BAIAP2L1: variants seen among roughly 807,000 people sequenced by gnomAD.
BAIAP2L1 encodes BAR/IMD domain-containing adapter protein 2-like 1.
BAIAP2L1 carries 35 observed loss-of-function variants against 66.3 expected under a neutral mutation model. That is an observed-to-expected ratio of 0.53 (90% CI 0.40 to 0.70). The LOEUF (loss-of-function observed/expected upper bound fraction) is 0.70. BAIAP2L1 is among the 30% of genes least tolerant of loss of function. The pLI, the probability that BAIAP2L1 is intolerant of heterozygous loss-of-function variation, is 0.00. For missense variants in BAIAP2L1, 622 were observed against 656.9 expected (o/e 0.95, Z 0.58); for synonymous variants, 269 against 248.7 (o/e 1.08, Z -0.77).
At chr7:98,308,972 T>G (rs1045731165) in intron 9 of BAIAP2L1, 1 of 151,234 alleles carries the variant, frequency 6.6e-6, no homozygotes, top group African/African-American at 2.4e-5. Flanking sequence ...AGCCACTGCT[T>G]CTGGCCGTTT....
intron 10 of BAIAP2L1, chr7:98,307,293 A>G: frequency 1.7e-6 from 1 of 597,282 alleles, no homozygotes; most frequent in Non-Finnish European, 2.2e-6. Flanking sequence ...TTTCGTAGAG[A>G]TGGGGTTTCA....
intron 12 of BAIAP2L1, among the ~76,000 whole-genome samples, chr7:98,297,906 C>A (rs867050563): frequency 3.8e-4 from 58 of 152,190 alleles, no homozygotes; most frequent in African/African-American, 1.2e-3. Context: ...AATACTTCCT[C>A]ACTTGGAACT....
At chr7:98,301,323 C>T (rs1228653029) in intron 12 of BAIAP2L1, among the ~76,000 whole-genome samples, 1 of 152,156 alleles carries the variant, frequency 6.6e-6, no homozygotes, top group Non-Finnish European at 1.5e-5. Context: ...CACTCAAACA[C>T]GTGCAGAATC....
At chr7:98,303,501 G>A (rs1207686341) in intron 12 of BAIAP2L1, among the ~76,000 whole-genome samples, 1 of 152,178 alleles carries the variant, frequency 6.6e-6, no homozygotes, top group Non-Finnish European at 1.5e-5. Context: ...TTCTCTGCAT[G>A]GCTTCTAGTG....
intron 1 of BAIAP2L1, among the ~76,000 whole-genome samples, chr7:98,371,604 T>C (rs770892809): frequency 6.8e-4 from 104 of 152,210 alleles, no homozygotes; most frequent in Non-Finnish European, 1.1e-3. Flanking sequence ...AAATGAATGA[T>C]GCAATCTTAT....
chr7:98,335,152 C>CA (rs59557441), intron 3 of BAIAP2L1, among the ~76,000 whole-genome samples: 1,232 of 54,680 alleles, frequency 0.023, 25 homozygotes, highest in Middle Eastern at 0.028. Flanking sequence ...GACTCCATCT[C>CA]AAAAAAAAAA....
Position 98,306,457 on chromosome 7 carries a change from A to C in BAIAP2L1, c.1223T>G (p.Val408Gly). The C allele has an allele frequency of 1.2e-6, 2 of 1,614,188 alleles. No homozygotes were observed. Among genetic ancestry groups the C allele is most frequent in the Non-Finnish European group, 1.7e-6 (2 of 1,180,038 alleles). ...GGGCTACCTTGGCGTGGGCACGGTC[A>C]CTGCTTCTGTCTCATTTTCTTCCAG... ...KLLEENETEA[V>G]TVPTPSPTPV... is the part of the protein sequence containing the mutation. Residue 408 changes from valine to glycine, a missense_variant, in exon 11 of 14, where the codon GTG (valine) becomes GGG (glycine). Val to Gly is a moderately radical substitution (Grantham distance 109). Transcript: ENST00000005260.
chr7:98,398,362 T>C (rs1803267940), intron 1 of BAIAP2L1, among the ~76,000 whole-genome samples: 1 of 152,088 alleles, frequency 6.6e-6, no homozygotes, highest in African/African-American at 2.4e-5. Context: ...GACTCCTGAA[T>C]TAAAATTTCA....
In BAIAP2L1 at chr7:98,359,745, GTTTTTTT is replaced by G. The variant is rs780836343; in HGVS notation, c.127+2605_127+2611del. 2.4e-4 allele frequency among the ~76,000 whole-genome samples: 26 copies of G among 109,056 alleles called. 1 individual carries two copies. The highest frequency in any genetic ancestry group is 7.5e-4 in the African/African-American group (22 of 29,286). The allele number at this position is 109,056 out of a possible 152,430, so 71.5% of individuals were successfully genotyped here. A position where few individuals can be genotyped will look rare whatever the true frequency, so the allele number is the denominator to read the frequency against. On this transcript the variant is annotated intron_variant, in intron 2 of 13. Coordinates refer to ENST00000005260, the MANE Select transcript of BAIAP2L1 (RefSeq NM_018842.5). ...CCTAGCCATTCACCTGTAGACCTGG[GTTTTTTT>G]TTTTTTTTTTTTTTTTAATTTTTTT...
chr7:98,307,403 C>T, intron 10 of BAIAP2L1: 1 of 1,246,316 alleles, frequency 8.0e-7, no homozygotes, highest in Non-Finnish European at 1.0e-6. Flanking sequence ...ACTGCACTGG[C>T]CAAATGCTAA....
At position 98,294,406 on chromosome 7, in the gene BAIAP2L1, G is replaced by C. The variant is rs1307985294; in HGVS notation, c.1423-295C>G. On this transcript the variant is annotated intron_variant, in intron 12 of 13. Transcript: ENST00000005260. ...TGTCTAAATTCACTTGGAAGAATAA[G>C]GCAAGAACAGAAAACGCTCTGAAAG... 2.6e-5 allele frequency among the ~76,000 whole-genome samples: 4 copies of C among 152,202 alleles called. No homozygotes were observed. In the South Asian group the frequency reaches 6.2e-4, roughly 24 times the overall value.
chr7:98,362,190 C>T (rs1401492568), intron 2 of BAIAP2L1, among the ~76,000 whole-genome samples, 167 bp downstream of exon 2: 1 of 152,152 alleles, frequency 6.6e-6, no homozygotes, highest in Admixed American at 6.5e-5. Context: ...GTTTCAAATA[C>T]GCTAATATCA....
At chr7:98,336,504 TA>T (rs1801620994) in intron 3 of BAIAP2L1, among the ~76,000 whole-genome samples, 1 of 152,098 alleles carries the variant, frequency 6.6e-6, no homozygotes, top group Admixed American at 6.5e-5. Flanking sequence ...TAGTTCCAGC[TA>T]CTTGGGAGGC....
chr7:98,346,683 C>A (rs189210030), intron 3 of BAIAP2L1, among the ~76,000 whole-genome samples: 1 of 152,150 alleles, frequency 6.6e-6, no homozygotes, highest in South Asian at 2.1e-4. Context: ...CACAGACAGC[C>A]GAGTGTGTAG....
chr7:98,396,739 G>A (rs1482816282), intron 1 of BAIAP2L1, among the ~76,000 whole-genome samples: 2 of 152,168 alleles, frequency 1.3e-5, no homozygotes, highest in African/African-American at 2.4e-5. Flanking sequence ...AGAGAGCTGC[G>A]ATTGCACCAC....
chr7:98,360,678 A>G (rs1041314998), intron 2 of BAIAP2L1, among the ~76,000 whole-genome samples: 10 of 152,080 alleles, frequency 6.6e-5, no homozygotes, highest in African/African-American at 2.4e-4. Context: ...ACTGCAGGTC[A>G]CAGTGATTTC....
intron 3 of BAIAP2L1, among the ~76,000 whole-genome samples, chr7:98,345,259 C>T (rs1299859417): frequency 1.3e-5 from 2 of 152,144 alleles, no homozygotes; most frequent in African/African-American, 4.8e-5. Flanking sequence ...TCAAGAGATA[C>T]AATAAAAACA....
At chr7:98,369,637 G>C (rs1267058017) in intron 1 of BAIAP2L1, among the ~76,000 whole-genome samples, 1 of 149,950 alleles carries the variant, frequency 6.7e-6, no homozygotes, top group Admixed American at 6.7e-5. Flanking sequence ...AAATACAATA[G>C]GAGGAAAGTC....
chr7:98,352,059 A>G (rs1802012195), intron 3 of BAIAP2L1, among the ~76,000 whole-genome samples: 1 of 150,966 alleles, frequency 6.6e-6, no homozygotes, highest in African/African-American at 2.4e-5. Flanking sequence ...GGAAGATGAG[A>G]AAAATACAAT....
Sources: allele counts gnomAD v4.1 joint callset (sites outside exome capture counted in the v4.1 genomes callset), GRCh38; gene constraint gnomAD v4.1.1; transcripts MANE v1.5; gene names NCBI Gene and HGNC (gene_info 2026-07-23, HGNC 2026-07-21).